The following ZSWIM7 variants were observed in gnomAD, a reference collection of about 807,000 sequenced individuals.
ZSWIM7 encodes zinc finger SWIM-type containing 7, also known as zinc finger SWIM domain-containing protein 7.
ZSWIM7 carries 22 observed loss-of-function variants against 21.1 expected under a neutral mutation model. That is an observed-to-expected ratio of 1.04 (90% CI 0.74 to 1.49). The LOEUF is 1.49. Ranked by LOEUF, ZSWIM7 falls within the 40% of genes most tolerant of loss-of-function variation. The pLI, the probability that ZSWIM7 is intolerant of heterozygous loss-of-function variation, is 0.00. For missense variants in ZSWIM7, 193 were observed against 168.0 expected (o/e 1.15, Z -0.82); for synonymous variants, 67 against 66.5 (o/e 1.01, Z -0.04).
chr17:15,994,455 C>T (rs549652123), intron 1 of ZSWIM7, among the ~76,000 whole-genome samples: 8 of 152,288 alleles, frequency 5.3e-5, no homozygotes, highest in East Asian at 1.9e-4. Flanking sequence ...CAAACCCTAA[C>T]GAATTGGTGG....
chr17:15,986,604 CA>C (rs200439981), intron 3 of ZSWIM7, among the ~76,000 whole-genome samples: 6 of 141,342 alleles, frequency 4.2e-5, no homozygotes, highest in South Asian at 4.5e-4. Context: ...TTATTTAAAA[CA>C]AAAAAAAAAG....
Position 15,999,511 on chromosome 17 carries a change from T to G in ZSWIM7, c.76+8A>C. ...ATGGCGCAGCCACACACGACCTCGG[T>G]CCCGTACTTCGCGCGCTCTCCTGCA... is the stretch of plus-strand genomic sequence containing the variant. On this transcript the variant is annotated splice_region_variant and intron_variant, in intron 1 of 4. Coordinates refer to ENST00000399277, the MANE Select transcript of ZSWIM7 (RefSeq NM_001042697.2). 1 of 1,598,528 alleles carries G rather than the reference T, an allele frequency of 6.3e-7. No individual in the cohort carries two copies. Among genetic ancestry groups the G allele is most frequent in the Non-Finnish European group, 8.5e-7 (1 of 1,177,990 alleles).
At chr17:15,991,838 G>GATAGCTCACT (rs1970485803) in intron 2 of ZSWIM7, among the ~76,000 whole-genome samples, 1 of 151,916 alleles carries the variant, frequency 6.6e-6, no homozygotes, top group Admixed American at 6.6e-5. Context: ...GGAGTGTAGT[G>GATAGCTCACT]GCACAATCAT....
At chr17:15,999,424 G>A (rs1184847083) in intron 1 of ZSWIM7, 95 bp downstream of exon 1, 6 of 1,464,888 alleles carry the variant, frequency 4.1e-6, no homozygotes, top group Non-Finnish European at 5.6e-6. Flanking sequence ...GGCAGGGCCA[G>A]GCCCGGACAC....
intron 1 of ZSWIM7, among the ~76,000 whole-genome samples, chr17:15,997,331 C>G (rs1970568233): frequency 1.3e-5 from 2 of 152,160 alleles, no homozygotes; most frequent in Non-Finnish European, 2.9e-5. Flanking sequence ...CTAGAGATGT[C>G]TTCAGGAAGG....
At chr17:15,990,865 C>CT (rs1222001958) in intron 2 of ZSWIM7, 3 of 152,020 alleles carry the variant, frequency 2.0e-5, no homozygotes, top group Non-Finnish European at 2.9e-5. Context: ...CAACAGTTAC[C>CT]TTTAAGAATT....
At chr17:15,979,502 G>A (rs1256096494) in intron 4 of ZSWIM7, among the ~76,000 whole-genome samples, 1 of 152,126 alleles carries the variant, frequency 6.6e-6, no homozygotes, top group Non-Finnish European at 1.5e-5. Context: ...TGAGCTGTTG[G>A]GTACACCTCC....
chr17:15,993,493 A>C (rs1970510481), intron 2 of ZSWIM7, among the ~76,000 whole-genome samples: 1 of 151,750 alleles, frequency 6.6e-6, no homozygotes, highest in Non-Finnish European at 1.5e-5. Flanking sequence ...TAGCCTCCTG[A>C]GTAGCTGGGA....
chr17:15,987,255 T>C lies in ZSWIM7; in HGVS notation c.201+11A>G. The C allele has an allele frequency of 1.2e-6, 2 of 1,608,006 alleles. No individual in the cohort carries two copies. Among genetic ancestry groups the C allele is most frequent in the South Asian group, 1.1e-5 (1 of 89,934 alleles). ...TTTCTGTAGGGATCACCCCCATCTC[T>C]AGACTTCTACCTGGTAAACACGCCT... is the stretch of plus-strand genomic sequence containing the variant. On this transcript the variant is annotated intron_variant, in intron 3 of 4. Coordinates refer to ENST00000399277, the MANE Select transcript of ZSWIM7 (RefSeq NM_001042697.2).
Position 15,977,836 on chromosome 17 carries a change from A to G in ZSWIM7, c.*211T>C. ...AGAGACTGGCTCAGGGTATTTCTTG[A>G]CAAGACTGTACAGGGCTTCTCATCA... On this transcript the variant is annotated 3_prime_UTR_variant, in exon 5 of 5. Coordinates refer to ENST00000399277, the MANE Select transcript of ZSWIM7 (RefSeq NM_001042697.2). 2.2e-6 allele frequency: 1 copy of G among 461,076 alleles called. No individual in the cohort carries two copies. Among genetic ancestry groups the G allele is most frequent in the African/African-American group, 1.9e-5 (1 of 51,792 alleles). The allele number at this position is 461,076 out of a possible 1,614,324, so 28.6% of individuals were successfully genotyped here.
At chr17:15,981,377 G>A (rs1436024392) in intron 3 of ZSWIM7, among the ~76,000 whole-genome samples, 2 of 151,798 alleles carry the variant, frequency 1.3e-5, no homozygotes, top group Non-Finnish European at 2.9e-5. Flanking sequence ...AAGAGTTTCA[G>A]ATTAGTTCAA....
At chr17:15,979,202 G>GC (rs1270526181) in intron 4 of ZSWIM7, among the ~76,000 whole-genome samples, 2 of 151,930 alleles carry the variant, frequency 1.3e-5, no homozygotes, top group Non-Finnish European at 2.9e-5. Context: ...TAACGAGCAT[G>GC]CTGCCTTCAA....
In ZSWIM7 at chr17:15,978,287, TCTAA is replaced by T. The variant is rs148735313; in HGVS notation, c.307-128_307-125del. ...ACTAGAGCATACAGATTACGGGGTCTCTAACTGATTGTCTAAAAAGTGCAGATGG... is the reference window on the plus strand; with the variant it reads ...ACTAGAGCATACAGATTACGGGGTCTCTGATTGTCTAAAAAGTGCAGATGG... On this transcript the variant is annotated intron_variant, in intron 4 of 4. Transcript: ENST00000399277. 1,227 of 708,022 alleles carry T rather than the reference TCTAA, an allele frequency of 1.7e-3. 11 individuals are homozygous for T. In the African/African-American group the frequency reaches 0.019, roughly 11 times the overall value. 43.9% of individuals were successfully genotyped at this position (708,022 alleles called of 1,614,324 possible). A position where few individuals can be genotyped will look rare whatever the true frequency, so the allele number is the denominator to read the frequency against.
At chr17:15,989,082 A>G (rs1354891000) in intron 2 of ZSWIM7, among the ~76,000 whole-genome samples, 2 of 152,214 alleles carry the variant, frequency 1.3e-5, no homozygotes, top group Non-Finnish European at 2.9e-5. Flanking sequence ...TGTCCCCACT[A>G]ACACCAGTAT....
intron 2 of ZSWIM7, 43 bp downstream of exon 2, chr17:15,993,714 T>A (rs762055614): frequency 7.3e-7 from 1 of 1,374,114 alleles, no homozygotes; most frequent in Admixed American, 2.0e-5. Context: ...ATTTTAACAT[T>A]AATGGTTAAA....
Position 15,978,121 on chromosome 17 carries a change from T to A in ZSWIM7, c.349A>T (p.Thr117Ser). The A allele has an allele frequency of 6.2e-7, 1 of 1,614,106 alleles. No homozygotes were observed. ...LAVYLSQVMR[T>S]CQQLSVSDKQ... ...TCAGAGACACTTAGCTGCTGACAGG[T>A]CCTCATAACCTGACTCAGGTAAACT... is the stretch of plus-strand genomic sequence containing the variant. The change falls in exon 5 of 5, where the codon ACC becomes TCC. Residue 117 changes from threonine (T) to serine (S), a missense_variant. Transcript: ENST00000399277.
In ZSWIM7 at chr17:15,996,244, G is replaced by A. The variant is rs540069293; in HGVS notation, c.77-2466C>T. Among the ~76,000 whole-genome samples, 10 of 152,124 alleles carry A rather than the reference G, an allele frequency of 6.6e-5. No homozygotes were observed. The South Asian group carries it at 1.0e-3, about 16-fold the overall frequency. On this transcript the variant is annotated intron_variant, in intron 1 of 4. Coordinates refer to ENST00000399277, the MANE Select transcript of ZSWIM7 (RefSeq NM_001042697.2). ...CTTGAACCCAGGAGGCAGAGGGTGCGGTGAGCAGAGATTGCACCATTGCAC... is the reference window on the plus strand; with the variant it reads ...CTTGAACCCAGGAGGCAGAGGGTGCAGTGAGCAGAGATTGCACCATTGCAC...
chr17:15,984,469 T>C, intron 3 of ZSWIM7, among the ~76,000 whole-genome samples: 1 of 152,242 alleles, frequency 6.6e-6, no homozygotes, highest in East Asian at 1.9e-4. Context: ...AGACCATGGC[T>C]GACAGAACTT....
intron 4 of ZSWIM7, 123 bp downstream of exon 4, chr17:15,980,917 A>C (rs974080626): frequency 1.0e-5 from 7 of 671,834 alleles, no homozygotes; most frequent in Non-Finnish European, 9.5e-6. Flanking sequence ...AGACAAAGAC[A>C]AAAAACTACC....
Sources: gnomAD v4.1 joint callset for allele counts (sites outside exome capture counted in the v4.1 genomes callset) on GRCh38, gnomAD v4.1.1 for gene constraint, MANE v1.5 for transcripts, NCBI Gene and HGNC (gene_info 2026-07-23, HGNC 2026-07-21) for gene names.